The following GABRA2 variants were observed in gnomAD, a reference collection of about 807,000 sequenced individuals.
GABRA2 encodes gamma-aminobutyric acid receptor subunit alpha-2.
Under a neutral mutation model 48.7 loss-of-function variants are expected in GABRA2, and 16 were observed. The ratio of observed to expected loss-of-function variants is 0.33; its 90% CI spans 0.22 to 0.50. The LOEUF is 0.50. Among genes scored for constraint, GABRA2 ranks in the 20% least tolerant of loss-of-function variants. GABRA2 has a pLI of 0.98. For missense variants in GABRA2, 275 were observed against 535.6 expected (o/e 0.51, Z 4.80); for synonymous variants, 185 against 184.5 (o/e 1.00, Z -0.02).
In GABRA2 at chr4:46,369,927, C is replaced by T. The variant is rs16859342; in HGVS notation, c.187+16147G>A. On this transcript the variant is annotated intron_variant, in intron 3 of 9. Coordinates refer to ENST00000381620, the MANE Select transcript of GABRA2 (RefSeq NM_000807.4). ...ACCTAAAAATAGGAAAATGTGGTTC[C>T]CAATAGAAGCAATAGTCTACATAAT... 8.4e-3 allele frequency among the ~76,000 whole-genome samples: 1,283 copies of T among 151,922 alleles called. 15 individuals carry two copies. The highest frequency in any genetic ancestry group is 0.029 in the African/African-American group (1,192 of 41,444).
intron 8 of GABRA2, among the ~76,000 whole-genome samples, chr4:46,284,922 G>A (rs1000792245): frequency 5.3e-5 from 8 of 151,222 alleles, no homozygotes; most frequent in Non-Finnish European, 8.8e-5. Context: ...CTTTCATCAG[G>A]GAGAGGGTTT....
chr4:46,363,903 C>T (rs1057002559), intron 3 of GABRA2: 3 of 152,184 alleles, frequency 2.0e-5, no homozygotes, highest in Admixed American at 2.0e-4. Context: ...TTTTCCATAG[C>T]AATTTTAAAG....
chr4:46,371,346 A>G (rs1714861523), intron 3 of GABRA2, among the ~76,000 whole-genome samples: 1 of 152,158 alleles, frequency 6.6e-6, no homozygotes, highest in Admixed American at 6.5e-5. Context: ...CAAGCGTACT[A>G]TTATATTTCT....
At chr4:46,291,774 CACATATATATATATATACATAT>C (rs1003980274) in intron 8 of GABRA2, among the ~76,000 whole-genome samples, 2 of 107,872 alleles carry the variant, frequency 1.9e-5, no homozygotes, top group African/African-American at 6.4e-5. Flanking sequence ...AATAAACACA[CACATATATATATATATACATAT>C]ACATATATAT....
Position 46,244,335 on chromosome 4 carries a change from G to A in GABRA2, c.*5973C>T, listed in dbSNP as rs1451135611. The A allele has an allele frequency of 1.3e-5, 2 of 151,588 alleles. No homozygotes were observed. The highest frequency in any genetic ancestry group is 3.0e-5 in the Non-Finnish European group (2 of 67,730). The allele number at this position is 151,588 out of a possible 1,614,324, so 9.4% of individuals were successfully genotyped here. On this transcript the variant is annotated 3_prime_UTR_variant, in exon 10 of 10. Coordinates refer to ENST00000381620, the MANE Select transcript of GABRA2 (RefSeq NM_000807.4). ...ACTAACTCTTGCTTTCTTAGCATCA[G>A]TTGTTTTTACAAATAAACTTTGTTG...
intron 8 of GABRA2, among the ~76,000 whole-genome samples, chr4:46,300,316 C>T (rs187972786): frequency 1.6e-4 from 25 of 151,886 alleles, no homozygotes; most frequent in East Asian, 9.6e-4. Flanking sequence ...TGTGTGCGCG[C>T]GCGTTTTGAG....
intron 3 of GABRA2, among the ~76,000 whole-genome samples, chr4:46,377,548 C>T (rs1299555105): frequency 6.6e-6 from 1 of 151,848 alleles, no homozygotes; most frequent in East Asian, 2.0e-4. Flanking sequence ...GCAGCCACCC[C>T]GTCTGGGAAG....
At chr4:46,374,946 T>A (rs1288427274) in intron 3 of GABRA2, among the ~76,000 whole-genome samples, 1 of 152,084 alleles carries the variant, frequency 6.6e-6, no homozygotes, top group African/African-American at 2.4e-5. Context: ...GATGCTCTCA[T>A]GACAGAATAC....
chr4:46,276,665 A>C (rs79856778), intron 8 of GABRA2, among the ~76,000 whole-genome samples: 2,119 of 151,858 alleles, frequency 0.014, 53 homozygotes, highest in African/African-American at 0.049. Context: ...TGAAAGCATT[A>C]GAGTCAGGGA....
chr4:46,311,452 C>A (rs1255180609), intron 5 of GABRA2, among the ~76,000 whole-genome samples: 3 of 152,086 alleles, frequency 2.0e-5, no homozygotes, highest in Non-Finnish European at 4.4e-5. Context: ...TGTTTTAAAT[C>A]TTTTATGAAA....
chr4:46,292,186 G>C (rs774948950), intron 8 of GABRA2, among the ~76,000 whole-genome samples: 2 of 152,098 alleles, frequency 1.3e-5, no homozygotes, highest in Non-Finnish European at 2.9e-5. Context: ...AAGTTCACTG[G>C]ACAAAGTGAT....
At position 46,289,694 on chromosome 4, in the gene GABRA2, C is replaced by T. The variant is rs74506633; in HGVS notation, c.856+13766G>A. Among the ~76,000 whole-genome samples the T allele has an allele frequency of 6.0e-3, 919 of 152,164 alleles. 10 individuals are homozygous for T. Among genetic ancestry groups the T allele is most frequent in the African/African-American group, 0.021 (890 of 41,530 alleles). ...AACACACCTGCACTATTCCCCTGAA[C>T]ATAAATAAAAGTTACATTAAAAACT... On this transcript the variant is annotated intron_variant, in intron 8 of 9. Transcript: ENST00000381620.
In GABRA2 at chr4:46,250,506, G is replaced by T. The variant is rs2109373498; in HGVS notation, c.1158C>A (p.Thr386=). The T allele has an allele frequency of 6.2e-7, 1 of 1,611,860 alleles. No homozygotes were observed. Among genetic ancestry groups the T allele is most frequent in the Admixed American group, 1.7e-5 (1 of 59,764 alleles). The change falls in exon 10 of 10, where the codon ACC becomes ACA. Residue 386 remains threonine, a synonymous_variant. Coordinates refer to ENST00000381620, the MANE Select transcript of GABRA2 (RefSeq NM_000807.4). The part of the protein sequence containing the change: ...PNLSKDPVLS[T]ISKSATTPEP... The stretch of plus-strand genomic sequence containing the variant: ...CTGGCGTGGTTGCACTCTTGGAGAT[G>T]GTGGAGAGAACTGGATCTTTTGAAA...
chr4:46,283,437 G>A (rs1429330358), intron 8 of GABRA2, among the ~76,000 whole-genome samples: 1 of 152,138 alleles, frequency 6.6e-6, no homozygotes, highest in African/African-American at 2.4e-5. Context: ...TGCCGTACTA[G>A]CCTTGGACCA....
At chr4:46,331,199 A>T (rs760472377) in intron 4 of GABRA2, among the ~76,000 whole-genome samples, 3 of 152,192 alleles carry the variant, frequency 2.0e-5, no homozygotes, top group Admixed American at 2.0e-4. Flanking sequence ...AAATAAAAGC[A>T]CTTAAATCTT....
chr4:46,250,691 G>T (rs1392434584), intron 9 of GABRA2, 87 bp from the exon 10 acceptor site: 1 of 966,340 alleles, frequency 1.0e-6, no homozygotes, highest in Non-Finnish European at 1.6e-6. Flanking sequence ...CTGAAGGAAG[G>T]TATCCTAATA....
At chr4:46,322,666 C>T (rs1050244531) in intron 4 of GABRA2, among the ~76,000 whole-genome samples, 3 of 151,898 alleles carry the variant, frequency 2.0e-5, no homozygotes, top group Admixed American at 6.6e-5. Flanking sequence ...GTGTCACCGG[C>T]ATCTAAAAAG....
rs139657362 is a variant in GABRA2, at chr4:46,382,361, G to A, written c.187+3713C>T. The stretch of plus-strand genomic sequence containing the variant: ...GGATACACCAGGGAAGAGAATACAA[G>A]CAGGGAAAAGGCTCCACAGAGTATC... On this transcript the variant is annotated intron_variant, in intron 3 of 9. Transcript: ENST00000381620. Among the ~76,000 whole-genome samples the A allele has an allele frequency of 1.9e-3, 283 of 151,958 alleles. No homozygotes were observed. In the Middle Eastern group the frequency reaches 0.031, roughly 16 times the overall value.
chr4:46,275,429 T>G (rs1233605967), intron 8 of GABRA2, among the ~76,000 whole-genome samples: 1 of 152,036 alleles, frequency 6.6e-6, no homozygotes, highest in African/African-American at 2.4e-5. Flanking sequence ...AGGTTCTGCA[T>G]TAAGGTAAGG....
Sources: allele counts gnomAD v4.1 joint callset (sites outside exome capture counted in the v4.1 genomes callset), GRCh38; gene constraint gnomAD v4.1.1; transcripts MANE v1.5; gene names NCBI Gene and HGNC (gene_info 2026-07-23, HGNC 2026-07-21).